The following CDH23 variants were observed in gnomAD, a reference collection of about 807,000 sequenced individuals.
The protein encoded by CDH23 is cadherin-23.
CDH23 carries 189 observed loss-of-function variants against 317.1 expected under a neutral mutation model. The ratio of observed to expected loss-of-function variants is 0.60; its 90% CI spans 0.53 to 0.67. The LOEUF (loss-of-function observed/expected upper bound fraction) is 0.67, where lower values mean the gene tolerates loss of function less well. Ranked by LOEUF, CDH23 falls within the 30% of genes least tolerant of loss-of-function variation. The pLI is 0.00. For missense variants in CDH23, 4,401 were observed against 4,592.4 expected (o/e 0.96, Z 1.20); for synonymous variants, 1,839 against 1,876.8 (o/e 0.98, Z 0.52).
chr10:71,800,552 C>T, intron 52 of CDH23, 84 bp from the exon 53 acceptor site: 1 of 1,455,156 alleles, frequency 6.9e-7, no homozygotes, highest in South Asian at 1.2e-5. Flanking sequence ...TCTCCAGAGC[C>T]CATAACAGCA....
chr10:71,482,525 G>T (rs1037275561), intron 3 of CDH23, among the ~76,000 whole-genome samples: 4 of 152,220 alleles, frequency 2.6e-5, no homozygotes, highest in African/African-American at 9.6e-5. Flanking sequence ...TGAGGTTGGG[G>T]GGACAGGCCC....
intron 3 of CDH23, among the ~76,000 whole-genome samples, chr10:71,506,184 C>T (rs1020365390): frequency 4.6e-5 from 7 of 151,940 alleles, no homozygotes; most frequent in African/African-American, 1.7e-4. Flanking sequence ...CTAGGATAGG[C>T]GAATCCATAG....
rs537007088 is a variant in CDH23 at position 71,578,970 on chromosome 10, A to C, written c.832+978A>C. The stretch of plus-strand genomic sequence containing the variant: ...TGATCAAGAACATGGAGGAGGATGG[A>C]GTCTACTGTGCCATGTCATTTTCAC... On this transcript the variant is annotated intron_variant, in intron 9 of 69. Transcript: ENST00000224721. Among the ~76,000 whole-genome samples, 56 of 152,316 alleles carry C rather than the reference A, an allele frequency of 3.7e-4. 1 individual carries two copies. The highest frequency in any genetic ancestry group is 3.4e-3 in the Middle Eastern group (1 of 294).
intron 44 of CDH23, among the ~76,000 whole-genome samples, chr10:71,786,163 G>C (rs1339343672): frequency 6.6e-6 from 1 of 152,190 alleles, no homozygotes; most frequent in Non-Finnish European, 1.5e-5. Flanking sequence ...GTCCTGGAAG[G>C]GCTGCGTTTT....
intron 14 of CDH23, among the ~76,000 whole-genome samples, chr10:71,670,818 G>A (rs541933466): frequency 6.6e-6 from 1 of 152,296 alleles, no homozygotes; most frequent in East Asian, 1.9e-4. Context: ...GCCTTCACAA[G>A]TAGTAAAATG....
intron 6 of CDH23, among the ~76,000 whole-genome samples, chr10:71,535,944 A>G (rs1380983642): frequency 2.0e-5 from 3 of 152,280 alleles, no homozygotes; most frequent in Non-Finnish European, 4.4e-5. Flanking sequence ...ACAGACAGTC[A>G]GGGAAATGGC....
At chr10:71,797,014 G>A in intron 48 of CDH23, 90 bp from the exon 49 acceptor site, 2 of 769,206 alleles carry the variant, frequency 2.6e-6, no homozygotes, top group East Asian at 2.7e-5. Context: ...CCTTTGTGGG[G>A]ATTGGGAGGG....
In CDH23 at chr10:71,777,860, G is replaced by A. The variant is rs56043301; in HGVS notation, c.5026G>A (p.Ala1676Thr). Residue 1676 changes from alanine to threonine, a missense_variant, in exon 39 of 70, where the codon GCA becomes ACA. This residue lies in a region of CDH23 where 3,068 missense variants were observed against 3,203.3 expected (regional missense o/e 0.96). Transcript: ENST00000224721. ...PNGTVTYAIVAGNIVNTFRID... is the reference protein window; with the variant it reads ...PNGTVTYAIVTGNIVNTFRID... Reference sequence around the variant, plus strand: ...CGGCACAGTCACCTATGCCATCGTCGCAGGCAACATCGTCAACACCTTCCG... The same window carrying A: ...CGGCACAGTCACCTATGCCATCGTCACAGGCAACATCGTCAACACCTTCCG... 2,390 of 1,613,910 alleles carry A rather than the reference G, an allele frequency of 1.5e-3. 51 individuals are homozygous for A. In the South Asian group the frequency reaches 0.022, roughly 15 times the overall value.
At chr10:71,670,935 G>A (rs546429513) in intron 14 of CDH23, among the ~76,000 whole-genome samples, 2 of 151,442 alleles carry the variant, frequency 1.3e-5, no homozygotes, top group African/African-American at 4.8e-5. Flanking sequence ...CAGTTGAGGT[G>A]CTCACCTGGA....
At chr10:71,691,588 A>G (rs1865185545) in intron 20 of CDH23, among the ~76,000 whole-genome samples, 1 of 152,234 alleles carries the variant, frequency 6.6e-6, no homozygotes, top group Middle Eastern at 3.2e-3. Context: ...AGCCTTCCAC[A>G]TGATGATTCT....
chr10:71,497,236 C>A (rs376701029), intron 3 of CDH23, among the ~76,000 whole-genome samples: 1 of 152,146 alleles, frequency 6.6e-6, no homozygotes, highest in Non-Finnish European at 1.5e-5. Context: ...TTCAATTTGC[C>A]GTCATTTTTC....
At position 71,725,417 on chromosome 10, in the gene CDH23, T is replaced by C; in HGVS notation, c.3476T>C (p.Leu1159Pro). 1 of 1,614,048 alleles carries C rather than the reference T, an allele frequency of 6.2e-7. No individual in the cohort carries two copies. Among genetic ancestry groups the C allele is most frequent in the Non-Finnish European group, 8.5e-7 (1 of 1,179,892 alleles). ...NFRIHVSNGL[L>P]MRGPRPLDRE... ...CGGATCCATGTCAGCAATGGGCTCCTGATGCGAGGGCCCCGGCCCCTGGAC... is the reference window on the plus strand; with the variant it reads ...CGGATCCATGTCAGCAATGGGCTCCCGATGCGAGGGCCCCGGCCCCTGGAC... The change falls in exon 30 of 70, where the codon CTG becomes CCG. Residue 1159 changes from leucine (L) to proline (P), a missense_variant. Physicochemically the swap from Leu to Pro is moderately conservative, Grantham distance 98 (BLOSUM62 -3). Coordinates refer to ENST00000224721, the MANE Select transcript of CDH23 (RefSeq NM_022124.6).
chr10:71,814,715 C>CAA (rs1842067983), intron 69 of CDH23, among the ~76,000 whole-genome samples: 2 of 143,680 alleles, frequency 1.4e-5, no homozygotes, highest in Admixed American at 6.8e-5. Flanking sequence ...GAAGCCGATA[C>CAA]ACACACACAC....
Position 71,510,087 on chromosome 10 carries a change from T to C in CDH23, c.151T>C (p.Ser51Pro). 6.2e-7 allele frequency: 1 copy of C among 1,614,018 alleles called. No individual in the cohort carries two copies. Among genetic ancestry groups the C allele is most frequent in the Admixed American group, 1.7e-5 (1 of 60,030 alleles). ...LISEDTPVGS[S>P]VTQLLAQDMD... is the part of the protein sequence containing the mutation. ...CTCTCCCTTGGCTACTCCAGGTTCT[T>C]CTGTGACCCAGTTGCTGGCCCAAGA... Residue 51 changes from serine to proline, a missense_variant, in exon 4 of 70, where the codon TCT becomes CCT. Physicochemically the swap from Ser to Pro is moderately conservative, Grantham distance 74. Around this residue, in one of 3 missense-constraint regions of CDH23, gnomAD observed 3,068 missense variants for 3,203.3 expected, o/e 0.96. Coordinates refer to ENST00000224721, the MANE Select transcript of CDH23 (RefSeq NM_022124.6).
chr10:71,807,082 C>T lies in CDH23; in HGVS notation c.8179-195C>T, dbSNP rs148824490. ...GCACTCATTTGGGTTCTGGGCAACACTCCGTGAGGGCAGAGCTCAGGTCCG... is the reference window on the plus strand; with the variant it reads ...GCACTCATTTGGGTTCTGGGCAACATTCCGTGAGGGCAGAGCTCAGGTCCG... On this transcript the variant is annotated intron_variant, in intron 57 of 69. Coordinates refer to ENST00000224721, the MANE Select transcript of CDH23 (RefSeq NM_022124.6). Among the ~76,000 whole-genome samples, 594 of 152,340 alleles carry T rather than the reference C, an allele frequency of 3.9e-3. 2 individuals are homozygous for T. The highest frequency in any genetic ancestry group is 0.013 in the African/African-American group (559 of 41,580).
chr10:71,809,221 C>T (rs1841838559), intron 60 of CDH23, among the ~76,000 whole-genome samples: 1 of 135,960 alleles, frequency 7.4e-6, no homozygotes, highest in Non-Finnish European at 1.5e-5. Context: ...GTTTGTTGCC[C>T]AGGCTGGAAT....
chr10:71,542,372 C>G (rs183815021), intron 6 of CDH23, among the ~76,000 whole-genome samples: 2 of 152,276 alleles, frequency 1.3e-5, no homozygotes, highest in Admixed American at 1.3e-4. Flanking sequence ...TCCCTAGGAT[C>G]GTCCAGCTGG....
At chr10:71,495,619 G>C (rs921071735) in intron 3 of CDH23, among the ~76,000 whole-genome samples, 1 of 151,912 alleles carries the variant, frequency 6.6e-6, no homozygotes, top group Non-Finnish European at 1.5e-5. Context: ...GATTGCTTGA[G>C]CCCAGGAGTT....
At chr10:71,550,556 T>G (rs1856519472) in intron 6 of CDH23, among the ~76,000 whole-genome samples, 2 of 62,090 alleles carry the variant, frequency 3.2e-5, no homozygotes, top group Non-Finnish European at 5.4e-5. Flanking sequence ...TGAGACCCTG[T>G]CTCAAAAAAA....
Sources: allele counts gnomAD v4.1 joint callset (sites outside exome capture counted in the v4.1 genomes callset), GRCh38; gene constraint gnomAD v4.1.1; regional missense constraint gnomAD v4.1.1; transcripts MANE v1.5; gene names NCBI Gene and HGNC (gene_info 2026-07-23, HGNC 2026-07-21).